GALNT13: variants seen among roughly 807,000 people sequenced by gnomAD.
GALNT13 encodes polypeptide N-acetylgalactosaminyltransferase 13.
Under a neutral mutation model 64.2 loss-of-function variants are expected in GALNT13, and 28 were observed. That is an observed-to-expected ratio of 0.44 (90% confidence interval 0.32 to 0.60). The LOEUF (loss-of-function observed/expected upper bound fraction) is 0.60, where lower values mean the gene tolerates loss of function less well. Among genes scored for constraint, GALNT13 ranks in the 20% least tolerant of loss-of-function variants. The pLI is 0.05. For synonymous variants in GALNT13, 214 were observed against 224.6 expected, an observed-to-expected ratio of 0.95 and a Z score of 0.42; for missense variants, 577 against 669.8, an observed-to-expected ratio of 0.86 and a Z score of 1.53.
chr2:154,213,614 GA>G (rs550431968), intron 4 of GALNT13, among the ~76,000 whole-genome samples: 196 of 137,608 alleles, frequency 1.4e-3, no homozygotes, highest in Middle Eastern at 7.5e-3. Context: ...CTTAGAGAGT[GA>G]AAAAAAAAAA....
chr2:154,135,927 G>A (rs945878548), intron 3 of GALNT13, among the ~76,000 whole-genome samples: 6 of 152,202 alleles, frequency 3.9e-5, no homozygotes, highest in Admixed American at 3.9e-4. Context: ...ATGGTGAGTG[G>A]AGGGTAAAGT....
intron 9 of GALNT13, among the ~76,000 whole-genome samples, chr2:154,370,494 A>T (rs1004621624): frequency 1.3e-5 from 2 of 152,164 alleles, no homozygotes; most frequent in Non-Finnish European, 2.9e-5. Context: ...TATGACATAG[A>T]GTTAGTCAAC....
chr2:153,671,878 C>CA, the GALNT13 span, among the ~76,000 whole-genome samples: 16 of 150,896 alleles, frequency 1.1e-4, no homozygotes, highest in Middle Eastern at 3.4e-3. Context: ...AAATGGAAAG[C>CA]AAAAAAAAGC....
chr2:153,330,039 T>C, the GALNT13 span, among the ~76,000 whole-genome samples: 1 of 152,222 alleles, frequency 6.6e-6, no homozygotes, highest in African/African-American at 2.4e-5. Flanking sequence ...AGAAAGTCCT[T>C]TCCCCACTGC....
intron 4 of GALNT13, among the ~76,000 whole-genome samples, chr2:154,189,078 G>T (rs1686420658): frequency 1.3e-5 from 2 of 152,024 alleles, no homozygotes; most frequent in African/African-American, 4.8e-5. Flanking sequence ...AAAACGTTTG[G>T]AACTAAGATA....
chr2:154,302,492 T>C (rs1217733571), intron 9 of GALNT13, among the ~76,000 whole-genome samples: 2 of 152,214 alleles, frequency 1.3e-5, no homozygotes, highest in Non-Finnish European at 2.9e-5. Flanking sequence ...TTGATTTTAA[T>C]TGGCATGCTC....
upstream of GALNT13, among the ~76,000 whole-genome samples, chr2:153,867,337 C>T (rs1421097368): frequency 1.3e-5 from 2 of 152,178 alleles, no homozygotes; most frequent in African/African-American, 4.8e-5. Context: ...TTGGCTACTT[C>T]TGATGGGTGT....
chr2:154,020,337 T>C (rs2105274849), intron 3 of GALNT13, among the ~76,000 whole-genome samples: 1 of 152,300 alleles, frequency 6.6e-6, no homozygotes, highest in Admixed American at 6.5e-5. Context: ...GTGTTCCTAT[T>C]TCTCCACATC....
At chr2:153,652,476 G>A in the GALNT13 span, among the ~76,000 whole-genome samples, 156 of 152,128 alleles carry the variant, frequency 1.0e-3, 1 homozygote, top group East Asian at 0.01. Flanking sequence ...TTAGCCGGGC[G>A]TGGTGTCATC....
the GALNT13 span, among the ~76,000 whole-genome samples, chr2:153,195,689 G>A: frequency 5.9e-5 from 9 of 152,218 alleles, no homozygotes; most frequent in Admixed American, 1.3e-4. Flanking sequence ...GCAATGTGGC[G>A]AGCAAGGGAC....
At chr2:153,863,889 T>G in the GALNT13 span, among the ~76,000 whole-genome samples, 7 of 152,242 alleles carry the variant, frequency 4.6e-5, no homozygotes, top group East Asian at 1.4e-3. Context: ...TGAGAGATTG[T>G]GTATGTGTAA....
chr2:153,564,622 T>G, the GALNT13 span, among the ~76,000 whole-genome samples: 1 of 151,878 alleles, frequency 6.6e-6, no homozygotes, highest in South Asian at 2.1e-4. Flanking sequence ...TTAAAAACAT[T>G]ATTGTTTCTG....
the GALNT13 span, among the ~76,000 whole-genome samples, chr2:153,416,771 G>A: frequency 6.6e-6 from 1 of 152,144 alleles, no homozygotes; most frequent in East Asian, 1.9e-4. Context: ...ATACAACAGT[G>A]ATCCAAAACA....
At chr2:153,277,017 CTTG>C in the GALNT13 span, among the ~76,000 whole-genome samples, 1 of 152,022 alleles carries the variant, frequency 6.6e-6, no homozygotes, top group Non-Finnish European at 1.5e-5. Context: ...TTAACATCAT[CTTG>C]TTATTATTCA....
the GALNT13 span, chr2:153,421,252 A>G: frequency 5.4e-6 from 1 of 185,558 alleles, no homozygotes; most frequent in Non-Finnish European, 1.2e-5. Flanking sequence ...GAATTCTGTC[A>G]GACTCCATGA....
chr2:153,359,943 G>T, the GALNT13 span, among the ~76,000 whole-genome samples: 1 of 152,158 alleles, frequency 6.6e-6, no homozygotes, highest in Non-Finnish European at 1.5e-5. Flanking sequence ...CTCGTTATAG[G>T]TTCACCCTGG....
chr2:153,866,691 A>T, the GALNT13 span, among the ~76,000 whole-genome samples: 2 of 152,202 alleles, frequency 1.3e-5, no homozygotes, highest in African/African-American at 4.8e-5. Context: ...CTTCCAAATA[A>T]AACAAATAAA....
chr2:153,822,803 G>A, the GALNT13 span, among the ~76,000 whole-genome samples: 8 of 152,076 alleles, frequency 5.3e-5, no homozygotes, highest in Admixed American at 1.3e-4. Flanking sequence ...GAAATAAAAG[G>A]CACCCAAATA....
chr2:154,303,884 A>G (rs1693588455), intron 9 of GALNT13, among the ~76,000 whole-genome samples: 1 of 151,362 alleles, frequency 6.6e-6, no homozygotes, highest in Admixed American at 6.6e-5. Context: ...CAGCCTCTCC[A>G]GTAGCTGGGA....
Sources: gnomAD v4.1 joint callset for allele counts (sites outside exome capture counted in the v4.1 genomes callset) on GRCh38, gnomAD v4.1.1 for gene constraint, MANE v1.5 for transcripts, NCBI Gene and HGNC (gene_info 2026-07-23, HGNC 2026-07-21) for gene names.